The following FANCC variants were observed in gnomAD, a reference collection of about 807,000 sequenced individuals.
FANCC encodes the protein FA complementation group C.
A neutral mutation model predicts 71.3 loss-of-function variants in FANCC; 55 were observed. The observed-to-expected ratio is 0.77, with a 90% CI of 0.62 to 0.97. The LOEUF (loss-of-function observed/expected upper bound fraction) is 0.97. Among genes scored for constraint, FANCC ranks in the 50% least tolerant of loss-of-function variants. The pLI is 0.00. For missense variants in FANCC, 678 were observed against 670.9 expected (o/e 1.01, Z -0.12); for synonymous variants, 275 against 244.9 (o/e 1.12, Z -1.15).
chr9:95,150,206 G>A (rs1276667581), intron 6 of FANCC, 119 bp from the exon 7 acceptor site: 5 of 962,488 alleles, frequency 5.2e-6, no homozygotes, highest in African/African-American at 4.9e-5. Flanking sequence ...TCTAAATAAA[G>A]AGAATGACTC....
At chr9:95,122,150 G>T (rs1008215978) in intron 10 of FANCC, among the ~76,000 whole-genome samples, 1 of 152,098 alleles carries the variant, frequency 6.6e-6, no homozygotes, top group South Asian at 2.1e-4. Flanking sequence ...GAGCCACCAC[G>T]CCTGGCACAT....
intron 3 of FANCC, among the ~76,000 whole-genome samples, chr9:95,244,044 G>C (rs1388830795): frequency 6.6e-6 from 1 of 152,238 alleles, no homozygotes; most frequent in African/African-American, 2.4e-5. Context: ...CTGGTTGTCA[G>C]AGGGGCCAAG....
chr9:95,281,770 C>A (rs1833397079), intron 1 of FANCC, among the ~76,000 whole-genome samples: 1 of 151,884 alleles, frequency 6.6e-6, no homozygotes, highest in African/African-American at 2.4e-5. Flanking sequence ...AATTTTGACA[C>A]CAAAAGCTCA....
chr9:95,147,649 T>C (rs527346052), intron 7 of FANCC, among the ~76,000 whole-genome samples: 1 of 152,338 alleles, frequency 6.6e-6, no homozygotes, highest in Non-Finnish European at 1.5e-5. Flanking sequence ...AAGTTATTTT[T>C]CCCTTGCCTT....
At chr9:95,145,516 C>T (rs1400486679) in intron 7 of FANCC, 1 of 152,118 alleles carries the variant, frequency 6.6e-6, no homozygotes, top group East Asian at 1.9e-4. Context: ...GTCTTCCCTG[C>T]AACTAGAAAA....
intron 4 of FANCC, among the ~76,000 whole-genome samples, chr9:95,179,366 T>C (rs1287092670): frequency 6.6e-6 from 1 of 152,218 alleles, no homozygotes; most frequent in African/African-American, 2.4e-5. Flanking sequence ...TGCACATTAA[T>C]GATTGTTACT....
chr9:95,103,338 G>C (rs2071203060), intron 14 of FANCC, among the ~76,000 whole-genome samples: 1 of 152,228 alleles, frequency 6.6e-6, no homozygotes, highest in South Asian at 2.1e-4. Context: ...CTGCCTCCCT[G>C]CTGGCCTTGG....
At chr9:95,165,375 T>A (rs1279578696) in intron 6 of FANCC, among the ~76,000 whole-genome samples, 1 of 151,938 alleles carries the variant, frequency 6.6e-6, no homozygotes, top group Non-Finnish European at 1.5e-5. Flanking sequence ...TCTTTTTTTT[T>A]CTTCCTTCAA....
chr9:95,302,264 T>C (rs1834793167), intron 1 of FANCC, among the ~76,000 whole-genome samples: 1 of 152,134 alleles, frequency 6.6e-6, no homozygotes. Context: ...CCAACCCTAG[T>C]TGCATTCTGG....
chr9:95,313,373 G>C (rs28548565), intron 1 of FANCC, among the ~76,000 whole-genome samples: 1 of 152,238 alleles, frequency 6.6e-6, no homozygotes, highest in African/African-American at 2.4e-5. Context: ...GAAGGCGCGC[G>C]CATGTGTGCA....
At chr9:95,117,234 GGGCCTGATGAGGA>G in intron 11 of FANCC, 68 bp downstream of exon 11, 1 of 1,203,042 alleles carries the variant, frequency 8.3e-7, no homozygotes, top group Non-Finnish European at 1.2e-6. Context: ...CTGTAGATAA[GGGCCTGATGAGGA>G]GGTCATAATT....
At chr9:95,141,786 G>T (rs945770472) in intron 7 of FANCC, among the ~76,000 whole-genome samples, 2 of 152,062 alleles carry the variant, frequency 1.3e-5, no homozygotes, top group Non-Finnish European at 2.9e-5. Context: ...GATAGATAAT[G>T]AATTGTTTTC....
rs1588006763 is a variant in FANCC at position 95,101,256 on chromosome 9, C to T, written c.*451G>A. On this transcript the variant is annotated 3_prime_UTR_variant, in exon 15 of 15. Transcript: ENST00000289081. ...TACAGCAAGACAGTGTGGCTTTATC[C>T]CAGATCCCTGACTCCTAAAAAGAGT... 3.4e-6 allele frequency: 1 copy of T among 292,074 alleles called. No homozygotes were observed. Among genetic ancestry groups the T allele is most frequent in the East Asian group, 4.9e-5 (1 of 20,364 alleles). 18.1% of individuals were successfully genotyped at this position (292,074 alleles called of 1,614,324 possible). A position where few individuals can be genotyped will look rare whatever the true frequency, so the allele number is the denominator to read the frequency against.
chr9:95,124,324 T>G (rs961578567), intron 10 of FANCC, among the ~76,000 whole-genome samples: 1 of 152,110 alleles, frequency 6.6e-6, no homozygotes, highest in African/African-American at 2.4e-5. Flanking sequence ...TAAACATTAC[T>G]TCTGTGGCCG....
At position 95,216,208 on chromosome 9, in the gene FANCC, C is replaced by T. The variant is rs141271546; in HGVS notation, c.345+24441G>A. On this transcript the variant is annotated intron_variant, in intron 4 of 14. Coordinates refer to ENST00000289081, the MANE Select transcript of FANCC (RefSeq NM_000136.3). ...TTGTTACTGTTGTTTTAATGTCAGACAAAGCAGACTTAAAAACAAAAAGTA... is the reference window on the plus strand; with the variant it reads ...TTGTTACTGTTGTTTTAATGTCAGATAAAGCAGACTTAAAAACAAAAAGTA... Among the ~76,000 whole-genome samples, 15 of 151,840 alleles carry T rather than the reference C, an allele frequency of 9.9e-5. No homozygotes were observed. In the East Asian group the frequency reaches 2.9e-3, roughly 29 times the overall value.
At chr9:95,138,792 C>T (rs1828123829) in intron 7 of FANCC, among the ~76,000 whole-genome samples, 1 of 152,184 alleles carries the variant, frequency 6.6e-6, no homozygotes, top group Non-Finnish European at 1.5e-5. Context: ...AATGAAGAAC[C>T]GACCCATCCT....
At chr9:95,217,481 CA>C (rs112431208) in intron 4 of FANCC, among the ~76,000 whole-genome samples, 12 of 135,608 alleles carry the variant, frequency 8.8e-5, no homozygotes, top group East Asian at 2.1e-4. Flanking sequence ...GACTCCATCT[CA>C]AAAAAAAAAC....
chr9:95,185,792 T>C (rs1353548617), intron 4 of FANCC, among the ~76,000 whole-genome samples: 1 of 152,146 alleles, frequency 6.6e-6, no homozygotes, highest in Non-Finnish European at 1.5e-5. Flanking sequence ...AAACTAACCA[T>C]ATAAAACATG....
At chr9:95,226,435 AGAG>A (rs1208972184) in intron 4 of FANCC, among the ~76,000 whole-genome samples, 16 of 152,362 alleles carry the variant, frequency 1.1e-4, no homozygotes, top group African/African-American at 3.8e-4. Flanking sequence ...TGAGGAAGGC[AGAG>A]GAGAAGACAG....
Sources: allele counts gnomAD v4.1 joint callset (sites outside exome capture counted in the v4.1 genomes callset), GRCh38; gene constraint gnomAD v4.1.1; transcripts MANE v1.5; gene names NCBI Gene and HGNC (gene_info 2026-07-23, HGNC 2026-07-21).